SLC9A9: variants seen among roughly 807,000 people sequenced by gnomAD.
The protein encoded by SLC9A9 is solute carrier family 9 member A9.
A neutral mutation model predicts 77.8 loss-of-function variants in SLC9A9; 62 were observed. That is an observed-to-expected ratio of 0.80 (90% CI 0.65 to 0.98). The LOEUF is 0.98. Ranked by LOEUF, SLC9A9 falls within the 50% of genes least tolerant of loss-of-function variation. The probability of loss-of-function intolerance (pLI) is 0.00; values close to 1 mark genes in which losing one functional copy is unlikely to be tolerated. For missense variants in SLC9A9, 775 were observed against 774.9 expected (o/e 1.00, Z 0.00); for synonymous variants, 320 against 283.5 (o/e 1.13, Z -1.29).
chr3:143,333,852 C>T (rs968586), intron 14 of SLC9A9, among the ~76,000 whole-genome samples: 86,239 of 151,928 alleles, frequency 0.57, 26,048 homozygotes, highest in African/African-American at 0.77. Flanking sequence ...GGAAGGAGAC[C>T]CTAGAACCTT....
At chr3:143,433,513 TCCA>T (rs1222322246) in intron 12 of SLC9A9, among the ~76,000 whole-genome samples, 2 of 152,198 alleles carry the variant, frequency 1.3e-5, no homozygotes, top group Non-Finnish European at 2.9e-5. Flanking sequence ...TATAATAACG[TCCA>T]ATACATTTAG....
chr3:143,445,880 C>T (rs1397482547), intron 12 of SLC9A9, among the ~76,000 whole-genome samples: 1 of 152,016 alleles, frequency 6.6e-6, no homozygotes, highest in Admixed American at 6.6e-5. Flanking sequence ...GAAGCTTGAC[C>T]ATTGGACTTA....
intron 9 of SLC9A9, chr3:143,504,022 G>A: frequency 2.1e-6 from 1 of 469,366 alleles, no homozygotes; most frequent in South Asian, 1.6e-5. Context: ...CCATTTGACT[G>A]GGGTAGGATC....
At chr3:143,623,089 T>C (rs900646364) in intron 6 of SLC9A9, among the ~76,000 whole-genome samples, 1 of 152,122 alleles carries the variant, frequency 6.6e-6, no homozygotes, top group African/African-American at 2.4e-5. Flanking sequence ...GTGCACCCAA[T>C]ATAGGAGCAC....
intron 2 of SLC9A9, among the ~76,000 whole-genome samples, chr3:143,822,669 G>A (rs1282792660): frequency 6.6e-6 from 1 of 152,184 alleles, no homozygotes; most frequent in Non-Finnish European, 1.5e-5. Flanking sequence ...ATAACTACTC[G>A]CTGGAGACCA....
intron 3 of SLC9A9, among the ~76,000 whole-genome samples, chr3:143,795,467 A>T (rs1039569850): frequency 1.8e-5 from 2 of 111,224 alleles, no homozygotes; most frequent in Non-Finnish European, 4.2e-5. Context: ...TAGCATTAAA[A>T]CAACAACAAC....
At chr3:143,507,049 C>A (rs2036032137) in intron 9 of SLC9A9, among the ~76,000 whole-genome samples, 1 of 151,598 alleles carries the variant, frequency 6.6e-6, no homozygotes, top group African/African-American at 2.4e-5. Context: ...GATTGCTGAC[C>A]TCCTTCCTTA....
chr3:143,381,841 G>T, intron 13 of SLC9A9: 1 of 573,494 alleles, frequency 1.7e-6, no homozygotes, highest in Non-Finnish European at 3.1e-6. Context: ...TGCTGCCATA[G>T]AGAGGCTTGC....
At chr3:143,707,746 T>C (rs1413187807) in intron 4 of SLC9A9, among the ~76,000 whole-genome samples, 3 of 152,216 alleles carry the variant, frequency 2.0e-5, no homozygotes, top group African/African-American at 7.2e-5. Flanking sequence ...GCTGGCTTCA[T>C]GTGGGTCTAG....
chr3:143,661,054 C>T (rs2038971120), intron 5 of SLC9A9, among the ~76,000 whole-genome samples: 2 of 152,070 alleles, frequency 1.3e-5, no homozygotes, highest in Admixed American at 1.3e-4. Flanking sequence ...AAAGTTTTTA[C>T]CATATCTGGG....
Position 143,523,530 on chromosome 3 carries a change from T to C in SLC9A9, c.1090-28082A>G, listed in dbSNP as rs186982234. 8.5e-4 allele frequency among the ~76,000 whole-genome samples: 130 copies of C among 152,296 alleles called. 1 individual carries two copies. Among genetic ancestry groups the C allele is most frequent in the African/African-American group, 3.0e-3 (126 of 41,574 alleles). On this transcript the variant is annotated intron_variant, in intron 9 of 15. Transcript: ENST00000316549. Reference sequence around the variant, plus strand: ...AGTGTTAAGTCATATAAAGAAAGTGTTGAGGTGGGAAGACACAGCGTGAAT... The same window carrying C: ...AGTGTTAAGTCATATAAAGAAAGTGCTGAGGTGGGAAGACACAGCGTGAAT...
intron 12 of SLC9A9, among the ~76,000 whole-genome samples, chr3:143,413,914 G>C (rs1312413160): frequency 6.6e-6 from 1 of 152,196 alleles, no homozygotes; most frequent in Non-Finnish European, 1.5e-5. Flanking sequence ...TTCTGGTGAG[G>C]GGCCTGTGCC....
chr3:143,384,919 C>G (rs1351744392), intron 12 of SLC9A9, among the ~76,000 whole-genome samples: 1 of 152,152 alleles, frequency 6.6e-6, no homozygotes, highest in Non-Finnish European at 1.5e-5. Flanking sequence ...GAAACAATGC[C>G]TTCTTTCACT....
At chr3:143,640,422 T>A (rs1280102507) in intron 6 of SLC9A9, among the ~76,000 whole-genome samples, 1 of 152,212 alleles carries the variant, frequency 6.6e-6, no homozygotes, top group Non-Finnish European at 1.5e-5. Context: ...GCTGGCTATA[T>A]TGGGCCCAGA....
At chr3:143,430,531 C>T (rs1273593001) in intron 12 of SLC9A9, among the ~76,000 whole-genome samples, 1 of 152,172 alleles carries the variant, frequency 6.6e-6, no homozygotes, top group East Asian at 1.9e-4. Context: ...AGCTAGTCTA[C>T]CTGGGGCCCT....
chr3:143,613,598 G>GT (rs981710988), intron 6 of SLC9A9, among the ~76,000 whole-genome samples: 67 of 152,108 alleles, frequency 4.4e-4, no homozygotes, highest in African/African-American at 1.4e-3. Context: ...ACTTTCTTTT[G>GT]TTTTTTTATA....
chr3:143,670,715 A>ATTACCTCTGTCTTGTCTT (rs2039143322), intron 5 of SLC9A9, among the ~76,000 whole-genome samples: 1 of 152,102 alleles, frequency 6.6e-6, no homozygotes, highest in African/African-American at 2.4e-5. Flanking sequence ...AGCTGCCTGG[A>ATTACCTCTGTCTTGTCTT]TTACCTCTGT....
At chr3:143,336,496 C>T (rs1256554917) in intron 14 of SLC9A9, among the ~76,000 whole-genome samples, 1 of 152,112 alleles carries the variant, frequency 6.6e-6, no homozygotes, top group African/African-American at 2.4e-5. Flanking sequence ...CCCATATGCT[C>T]ATCAGTGAGT....
rs1317255747 is a variant in SLC9A9 at position 143,360,171 on chromosome 3, CAA to C, written c.1604+3311_1604+3312del. Among the ~76,000 whole-genome samples the C allele has an allele frequency of 2.0e-5, 3 of 152,252 alleles. No homozygotes were observed. The East Asian group carries it at 5.8e-4, about 29-fold the overall frequency. ...AATTGACACTTACTAGCTATGGAAA[CAA>C]AGTTATTTAAGTTATCTGGGAATTT... On this transcript the variant is annotated intron_variant, in intron 14 of 15. Transcript: ENST00000316549.
Sources: allele counts gnomAD v4.1 joint callset (sites outside exome capture counted in the v4.1 genomes callset), GRCh38; gene constraint gnomAD v4.1.1; transcripts MANE v1.5; gene names NCBI Gene and HGNC (gene_info 2026-07-23, HGNC 2026-07-21).